KCNH1: variants seen among roughly 807,000 people sequenced by gnomAD.
KCNH1 encodes the protein potassium voltage-gated channel subfamily H member 1, also known as voltage-gated delayed rectifier potassium channel KCNH1.
In KCNH1, 27 loss-of-function variants were observed where a neutral mutation model predicts 69.2. The observed-to-expected ratio is 0.39, with a 90% CI of 0.29 to 0.54. The LOEUF (loss-of-function observed/expected upper bound fraction) is 0.54, where lower values mean the gene tolerates loss of function less well. Among genes scored for constraint, KCNH1 ranks in the 20% least tolerant of loss-of-function variants. The pLI is 0.68. For missense variants in KCNH1, 798 were observed against 1,261.6 expected, an observed-to-expected ratio of 0.63 and a Z score of 5.57; for synonymous variants, 456 against 487.7, an observed-to-expected ratio of 0.93 and a Z score of 0.86.
At chr1:210,724,356 A>G (rs530317415) in intron 10 of KCNH1, among the ~76,000 whole-genome samples, 7 of 152,264 alleles carry the variant, frequency 4.6e-5, no homozygotes, top group African/African-American at 1.4e-4. Context: ...ATAACCACTG[A>G]TCCAGTAAGC....
At chr1:211,053,202 C>T (rs115061867) in intron 5 of KCNH1, among the ~76,000 whole-genome samples, 3,191 of 152,308 alleles carry the variant, frequency 0.021, 50 homozygotes, top group Non-Finnish European at 0.032. Context: ...ATGTTCACAT[C>T]CTGCCTCCTT....
chr1:211,047,244 C>A (rs1690108611), intron 5 of KCNH1, among the ~76,000 whole-genome samples: 1 of 152,168 alleles, frequency 6.6e-6, no homozygotes, highest in African/African-American at 2.4e-5. Flanking sequence ...TATACTACAC[C>A]ACACGAATAT....
intron 7 of KCNH1, among the ~76,000 whole-genome samples, chr1:210,830,462 T>A (rs2102438464): frequency 6.6e-6 from 1 of 152,290 alleles, no homozygotes; most frequent in Non-Finnish European, 1.5e-5. Context: ...GGGTGGGGGT[T>A]GGAAGACCTC....
intron 6 of KCNH1, among the ~76,000 whole-genome samples, chr1:210,973,342 G>T (rs566740310): frequency 2.0e-5 from 3 of 152,132 alleles, no homozygotes; most frequent in African/African-American, 7.2e-5. Context: ...CTATCTTTCG[G>T]TTAATGGAGT....
rs547328191 is a variant in KCNH1, at chr1:210,996,704, C to A, written c.1032+22079G>T. ...CTGCCTCCTCAAGTGGGTCCTTGAC[C>A]CCTGAGCAGCCTAACTGGGAGGCAC... is the stretch of plus-strand genomic sequence containing the variant. On this transcript the variant is annotated intron_variant, in intron 6 of 10. Coordinates refer to ENST00000271751, the MANE Select transcript of KCNH1 (RefSeq NM_172362.3). Among the ~76,000 whole-genome samples, 5 of 152,316 alleles carry A rather than the reference C, an allele frequency of 3.3e-5. No individual in the cohort carries two copies. In the South Asian group the frequency reaches 1.0e-3, roughly 32 times the overall value.
At chr1:211,085,425 A>C (rs983134707) in intron 4 of KCNH1, among the ~76,000 whole-genome samples, 3 of 151,978 alleles carry the variant, frequency 2.0e-5, no homozygotes, top group African/African-American at 7.3e-5. Context: ...GAGGAGGGAG[A>C]TACACATGCC....
At chr1:210,862,167 C>A (rs1685993409) in intron 7 of KCNH1, 1 of 1,349,840 alleles carries the variant, frequency 7.4e-7, no homozygotes, top group African/African-American at 1.4e-5. Flanking sequence ...TAATCTGGAG[C>A]AGCGTTGAGA....
At chr1:211,050,969 C>T (rs1299652293) in intron 5 of KCNH1, among the ~76,000 whole-genome samples, 1 of 129,262 alleles carries the variant, frequency 7.7e-6, no homozygotes, top group African/African-American at 3.0e-5. Context: ...AGTAAACAAC[C>T]GAGATATTAA....
At chr1:210,917,173 A>C (rs1687351439) in intron 7 of KCNH1, among the ~76,000 whole-genome samples, 1 of 147,570 alleles carries the variant, frequency 6.8e-6, no homozygotes, top group Admixed American at 6.9e-5. Flanking sequence ...GAGAAGAGAG[A>C]AGAGAGAAAT....
chr1:211,088,670 C>G (rs1435468922), intron 4 of KCNH1, among the ~76,000 whole-genome samples: 1 of 152,162 alleles, frequency 6.6e-6, no homozygotes, highest in African/African-American at 2.4e-5. Context: ...AGCAGGATTC[C>G]TACATCGAGG....
intron 4 of KCNH1, among the ~76,000 whole-genome samples, chr1:211,087,387 GA>G (rs1454452074): frequency 6.6e-6 from 1 of 152,062 alleles, no homozygotes; most frequent in East Asian, 1.9e-4. Context: ...GCAATATAAA[GA>G]GAGAAAATTC....
intron 9 of KCNH1, among the ~76,000 whole-genome samples, chr1:210,795,324 T>C (rs1484295753): frequency 6.6e-6 from 1 of 152,094 alleles, no homozygotes; most frequent in African/African-American, 2.4e-5. Context: ...TTTTTGTATT[T>C]TTTGTGGACA....
chr1:210,878,965 T>C (rs1465436357), intron 7 of KCNH1, among the ~76,000 whole-genome samples: 1 of 151,968 alleles, frequency 6.6e-6, no homozygotes, highest in Non-Finnish European at 1.5e-5. Context: ...ACAGACCTCA[T>C]GAACATTAAA....
intron 10 of KCNH1, among the ~76,000 whole-genome samples, chr1:210,738,199 G>A (rs143693347): frequency 6.6e-6 from 1 of 152,262 alleles, no homozygotes; most frequent in African/African-American, 2.4e-5. Context: ...CTCTTCCTCA[G>A]ATATCTACAC....
chr1:210,997,260 T>C (rs1234379229), intron 6 of KCNH1, among the ~76,000 whole-genome samples: 2 of 151,990 alleles, frequency 1.3e-5, no homozygotes, highest in Non-Finnish European at 2.9e-5. Context: ...GTTAAAAACT[T>C]TGAAAAAAAA....
chr1:210,868,516 T>A (rs1427731297), intron 7 of KCNH1, among the ~76,000 whole-genome samples: 1 of 152,030 alleles, frequency 6.6e-6, no homozygotes, highest in African/African-American at 2.4e-5. Flanking sequence ...CAGTTTTAAT[T>A]TTTATGTTTC....
intron 1 of KCNH1, among the ~76,000 whole-genome samples, chr1:211,119,216 C>T (rs546595536): frequency 2.0e-5 from 3 of 152,092 alleles, no homozygotes; most frequent in Non-Finnish European, 2.9e-5. Flanking sequence ...AAAAATTAGC[C>T]GGGCATGGTG....
At chr1:211,008,955 C>T (rs753946150) in intron 6 of KCNH1, among the ~76,000 whole-genome samples, 2 of 152,112 alleles carry the variant, frequency 1.3e-5, no homozygotes, top group African/African-American at 2.4e-5. Context: ...GGGAAAGCCA[C>T]TCTAATCATG....
chr1:211,057,936 G>C (rs997322304), intron 5 of KCNH1, among the ~76,000 whole-genome samples: 3 of 151,864 alleles, frequency 2.0e-5, no homozygotes, highest in African/African-American at 7.3e-5. Flanking sequence ...CAAAAGTCAA[G>C]GATAAAGAAA....
Sources: gnomAD v4.1 joint callset for allele counts (sites outside exome capture counted in the v4.1 genomes callset) on GRCh38, gnomAD v4.1.1 for gene constraint, MANE v1.5 for transcripts, NCBI Gene and HGNC (gene_info 2026-07-23, HGNC 2026-07-21) for gene names.